Variants in DCTN1 observed in about 807,000 individuals in gnomAD.
DCTN1 encodes dynactin subunit 1, also known as 150 kDa dynein-associated polypeptide.
DCTN1 carries 61 observed loss-of-function variants against 161.2 expected under a neutral mutation model. The ratio of observed to expected loss-of-function variants is 0.38; its 90% CI spans 0.31 to 0.47. DCTN1 has a LOEUF of 0.47. Ranked by LOEUF, DCTN1 falls within the 20% of genes least tolerant of loss-of-function variation. The probability of loss-of-function intolerance (pLI) is 0.99; values close to 1 mark genes in which losing one functional copy is unlikely to be tolerated. For missense variants in DCTN1, 1,404 were observed against 1,623.7 expected (o/e 0.86, Z 2.33); for synonymous variants, 653 against 632.4 (o/e 1.03, Z -0.49).
chr2:74,388,741 C>G (rs928182728), intron 1 of DCTN1, among the ~76,000 whole-genome samples: 1 of 152,220 alleles, frequency 6.6e-6, no homozygotes, highest in Non-Finnish European at 1.5e-5. Context: ...TATCTAAGCA[C>G]TCGGCGTAGG....
chr2:74,366,341 C>T lies in DCTN1; in HGVS notation c.2663G>A (p.Cys888Tyr), dbSNP rs892112066. The change falls in exon 23 of 32, where the codon TGT (cysteine) becomes TAT (tyrosine). Residue 888 changes from cysteine (C) to tyrosine (Y), a missense_variant. Cys to Tyr is a radical substitution (Grantham distance 194). This residue lies in a region of DCTN1 where 475 missense variants were observed against 489.8 expected (regional missense o/e 0.97). Coordinates refer to ENST00000628224, the MANE Select transcript of DCTN1 (RefSeq NM_004082.5). ...YGTPSSSPYE[C>Y]LRQSCNILIS... ...GAGGATGTTGCATGACTGGCGCAGACACTCATAGGGGCTGCTGGAGGGGGT... is the reference window on the plus strand; with the variant it reads ...GAGGATGTTGCATGACTGGCGCAGATACTCATAGGGGCTGCTGGAGGGGGT... 2.5e-6 allele frequency: 4 copies of T among 1,614,224 alleles called. No homozygotes were observed. The highest frequency in any genetic ancestry group is 1.6e-4 in the Middle Eastern group (1 of 6,062).
chr2:74,365,422 T>A, intron 25 of DCTN1, 93 bp downstream of exon 25: 1 of 1,594,590 alleles, frequency 6.3e-7, no homozygotes. Flanking sequence ...AGTCTCACTA[T>A]AAGAGAACCT....
Position 74,370,219 on chromosome 2 carries a change from C to T in DCTN1, c.1254G>A (p.Gln418=). The T allele has an allele frequency of 6.2e-7, 1 of 1,613,994 alleles. No individual in the cohort carries two copies. Among genetic ancestry groups the T allele is most frequent in the Non-Finnish European group, 8.5e-7 (1 of 1,180,044 alleles). The change falls in exon 12 of 32, where the codon CAG becomes CAA. Residue 418 remains glutamine (Q), a synonymous_variant. Transcript: ENST00000628224. This position sits in a 1 kb window ranked among gnomAD's most constrained non-coding sequence, Gnocchi z 4.4. ...QRERLQEELS[Q]AESTIDELKE... is the part of the protein sequence containing the mutation. ...TGAGCTCATCAATGGTGCTCTCTGCCTGGCTTAGCTCCTCCTGCAGACGCT... is the reference window on the plus strand; with the variant it reads ...TGAGCTCATCAATGGTGCTCTCTGCTTGGCTTAGCTCCTCCTGCAGACGCT...
At chr2:74,388,339 T>C (rs1055696616) in intron 1 of DCTN1, among the ~76,000 whole-genome samples, 3 of 152,140 alleles carry the variant, frequency 2.0e-5, no homozygotes, top group Non-Finnish European at 2.9e-5. Context: ...GAATAGCCAC[T>C]GCACTCCAGC....
chr2:74,374,253 C>T, intron 6 of DCTN1, 70 bp downstream of exon 6: 1 of 1,514,136 alleles, frequency 6.6e-7, no homozygotes, highest in Non-Finnish European at 9.1e-7. Flanking sequence ...AGCCCCCACC[C>T]CCACCCCAGC....
At chr2:74,378,628 A>G (rs1675362407) in intron 1 of DCTN1, among the ~76,000 whole-genome samples, 3 of 152,130 alleles carry the variant, frequency 2.0e-5, no homozygotes, top group African/African-American at 4.8e-5. Flanking sequence ...CCACAACCCA[A>G]TGCCCTGACT....
rs1389555277 is a variant in DCTN1 at position 74,361,277 on chromosome 2, G to C, written c.*222C>G. 2 of 709,048 alleles carry C rather than the reference G, an allele frequency of 2.8e-6. No individual in the cohort carries two copies. Among genetic ancestry groups the C allele is most frequent in the Non-Finnish European group, 2.5e-6 (1 of 400,166 alleles). 43.9% of individuals were successfully genotyped at this position (709,048 alleles called of 1,614,324 possible). A position where few individuals can be genotyped will look rare whatever the true frequency, so the allele number is the denominator to read the frequency against. On this transcript the variant is annotated 3_prime_UTR_variant, in exon 32 of 32. Coordinates refer to ENST00000628224, the MANE Select transcript of DCTN1 (RefSeq NM_004082.5). ...GCCCTGAGGCCCCTCAGGAAGGAGGGAGCAGTTGAACAACAAATTATGGCA... is the reference window on the plus strand; with the variant it reads ...GCCCTGAGGCCCCTCAGGAAGGAGGCAGCAGTTGAACAACAAATTATGGCA...
chr2:74,374,314 C>G lies in DCTN1; in HGVS notation c.432+9G>C. On this transcript the variant is annotated intron_variant, in intron 6 of 31. Coordinates refer to ENST00000628224, the MANE Select transcript of DCTN1 (RefSeq NM_004082.5). ...AACCCAGCAGCAGGACGAGAGCAAG[C>G]AAGAGTACCTTTCGGGCTGTCGGTG... 6.2e-7 allele frequency: 1 copy of G among 1,613,218 alleles called. No individual in the cohort carries two copies. Among genetic ancestry groups the G allele is most frequent in the African/African-American group, 1.3e-5 (1 of 74,862 alleles).
rs181400328 is a variant in DCTN1 at position 74,379,401 on chromosome 2, G to A, written c.33+604C>T. ...CCAGGACACCTCCCAGCCTATCACT[G>A]CCTAATTCCCTTCCCCAAACAGCTC... On this transcript the variant is annotated intron_variant, in intron 1 of 31. Transcript: ENST00000628224. Among the ~76,000 whole-genome samples, 346 of 152,232 alleles carry A rather than the reference G, an allele frequency of 2.3e-3. 1 individual carries two copies. The highest frequency in any genetic ancestry group is 7.9e-3 in the African/African-American group (327 of 41,552).
intron 1 of DCTN1, 45 bp downstream of exon 1, chr2:74,379,960 T>C (rs755312044): frequency 3.7e-6 from 6 of 1,603,384 alleles, no homozygotes; most frequent in Admixed American, 3.3e-5. Context: ...CAGCCAGGCC[T>C]TCCCCAGCAG....
intron 6 of DCTN1, 25 bp from the exon 7 acceptor site, chr2:74,372,973 G>C: frequency 6.2e-7 from 1 of 1,613,152 alleles, no homozygotes; most frequent in Non-Finnish European, 8.5e-7. Context: ...GGAGCCAGAA[G>C]AGAAGTAGTC....
rs969639416 is a variant in DCTN1, at chr2:74,379,856, AG to A, written c.33+148del. Reference sequence around the variant, plus strand: ...GAAGCCTGTCCAGCCTTACACCACCAGGGCTTCGAGGGCTCCTTAGAAAACA... The same window carrying A: ...GAAGCCTGTCCAGCCTTACACCACCAGGCTTCGAGGGCTCCTTAGAAAACA... On this transcript the variant is annotated intron_variant, in intron 1 of 31. Transcript: ENST00000628224. 5.0e-6 allele frequency: 4 copies of A among 802,830 alleles called. No individual in the cohort carries two copies. In the African/African-American group the frequency reaches 6.8e-5, roughly 14 times the overall value. The allele number at this position is 802,830 out of a possible 1,614,324, so 49.7% of individuals were successfully genotyped here. A position where few individuals can be genotyped will look rare whatever the true frequency, so the allele number is the denominator to read the frequency against.
intron 6 of DCTN1, 155 bp from the exon 7 acceptor site, chr2:74,373,103 C>A: frequency 2.8e-6 from 2 of 723,082 alleles, no homozygotes; most frequent in East Asian, 2.7e-5. Flanking sequence ...CCCCTTCTCC[C>A]TTCAGTGAAT....
rs1270371053 is a variant in DCTN1, at chr2:74,370,652, T to G, written c.1017A>C (p.Leu339Phe). 1 of 1,614,212 alleles carries G rather than the reference T, an allele frequency of 6.2e-7. No homozygotes were observed. The highest frequency in any genetic ancestry group is 1.1e-5 in the South Asian group (1 of 91,082). The stretch of plus-strand genomic sequence containing the variant: ...CTTCAATCTCAGCCTTGAGGATCTC[T>G]AAGTCAGTAGTGAGCTCGTCCACCC... ...KERVDELTTD[L>F]EILKAEIEEK... The change falls in exon 10 of 32, where the codon TTA (leucine) becomes TTC (phenylalanine). Residue 339 changes from leucine (L) to phenylalanine (F), a missense_variant. Leu to Phe is a conservative substitution (Grantham distance 22). Around this residue, in one of 9 missense-constraint regions of DCTN1, gnomAD observed 278 missense variants for 363.8 expected, o/e 0.76. Coordinates refer to ENST00000628224, the MANE Select transcript of DCTN1 (RefSeq NM_004082.5). This position sits in a 1 kb window ranked among gnomAD's most constrained non-coding sequence, Gnocchi z 4.4.
At chr2:74,380,433 T>C, upstream of DCTN1, 2 of 491,544 alleles carry the variant, frequency 4.1e-6, no homozygotes, top group Non-Finnish European at 8.3e-6. Context: ...AGCACTCAAC[T>C]CTTGAATACA....
chr2:74,370,657 C>T lies in DCTN1; in HGVS notation c.1012G>A (p.Asp338Asn). The change falls in exon 10 of 32, where the codon GAC becomes AAC. Residue 338 changes from aspartate (D) to asparagine (N), a missense_variant. Coordinates refer to ENST00000628224, the MANE Select transcript of DCTN1 (RefSeq NM_004082.5). The surrounding 1 kb of genome is among the most constrained non-coding windows in gnomAD (Gnocchi z 4.4). ...LKERVDELTT[D>N]LEILKAEIEE... ...ATCTCAGCCTTGAGGATCTCTAAGT[C>T]AGTAGTGAGCTCGTCCACCCGCTCC... 6.2e-7 allele frequency: 1 copy of T among 1,614,218 alleles called. No individual in the cohort carries two copies. The highest frequency in any genetic ancestry group is 8.5e-7 in the Non-Finnish European group (1 of 1,180,050).
chr2:74,373,128 T>C, intron 6 of DCTN1, 180 bp from the exon 7 acceptor site: 1 of 674,644 alleles, frequency 1.5e-6, no homozygotes, highest in Middle Eastern at 3.1e-4. Context: ...GTATTCCTAC[T>C]TCAGGAACCC....
intron 8 of DCTN1, 147 bp downstream of exon 8, chr2:74,371,390 A>G (rs1199412126): frequency 4.0e-6 from 5 of 1,251,182 alleles, no homozygotes; most frequent in Non-Finnish European, 5.6e-6. Flanking sequence ...TGGCTCAGTC[A>G]GTAGCAAGAT....
At position 74,375,424 on chromosome 2, in the gene DCTN1, G is replaced by A. The variant is rs181620821; in HGVS notation, c.415-1084C>T. Among the ~76,000 whole-genome samples, 186 of 152,316 alleles carry A rather than the reference G, an allele frequency of 1.2e-3. 4 individuals are homozygous for A. Among genetic ancestry groups the A allele is most frequent in the Admixed American group, 0.012 (182 of 15,304 alleles). On this transcript the variant is annotated intron_variant, in intron 5 of 31. Transcript: ENST00000628224. ...CTGGAGAGGAAGACTGGGGTGCTCCGGGGTGGGGGCACTCAACTGTCTGAT... is the reference window on the plus strand; with the variant it reads ...CTGGAGAGGAAGACTGGGGTGCTCCAGGGTGGGGGCACTCAACTGTCTGAT...
Sources: allele counts gnomAD v4.1 joint callset (sites outside exome capture counted in the v4.1 genomes callset), GRCh38; gene constraint gnomAD v4.1.1; regional missense constraint gnomAD v4.1.1; non-coding constraint Gnocchi (gnomAD v3.1); transcripts MANE v1.5; gene names NCBI Gene and HGNC (gene_info 2026-07-23, HGNC 2026-07-21).